ZBBX: variants seen among roughly 807,000 people sequenced by gnomAD.
ZBBX encodes the protein zinc finger B-box domain containing.
A neutral mutation model predicts 108.5 loss-of-function variants in ZBBX; 101 were observed. The ratio of observed to expected loss-of-function variants is 0.93; its 90% CI spans 0.79 to 1.10. ZBBX has a LOEUF of 1.10. ZBBX is among the 50% of genes least tolerant of loss of function. ZBBX has a pLI of 0.00. For missense variants in ZBBX, 1,009 were observed against 941.4 expected (o/e 1.07, Z -0.94); for synonymous variants, 356 against 323.4 (o/e 1.10, Z -1.08).
intron 11 of ZBBX, among the ~76,000 whole-genome samples, chr3:167,325,311 T>C (rs535638312): frequency 2.0e-5 from 3 of 152,042 alleles, no homozygotes; most frequent in Admixed American, 1.3e-4. Context: ...CTCATAATCA[T>C]GACAGAAGAC....
chr3:167,262,725 C>A (rs2108428239), intron 20 of ZBBX, among the ~76,000 whole-genome samples: 1 of 152,256 alleles, frequency 6.6e-6, no homozygotes, highest in African/African-American at 2.4e-5. Flanking sequence ...TTATCCATTT[C>A]TTCTAGATTT....
chr3:167,354,649 A>C (rs957271897), intron 8 of ZBBX, among the ~76,000 whole-genome samples: 1 of 151,902 alleles, frequency 6.6e-6, no homozygotes, highest in African/African-American at 2.4e-5. Context: ...ATATAAATAC[A>C]TGGTTATATC....
chr3:167,326,727 AAAT>A, intron 11 of ZBBX, among the ~76,000 whole-genome samples: 1 of 152,128 alleles, frequency 6.6e-6, no homozygotes, highest in East Asian at 1.9e-4. Context: ...GACAGCATCC[AAAT>A]AATGTCTTGA....
intron 6 of ZBBX, among the ~76,000 whole-genome samples, chr3:167,365,541 A>G (rs555286766): frequency 6.6e-6 from 1 of 151,844 alleles, no homozygotes; most frequent in East Asian, 1.9e-4. Flanking sequence ...AAAGTCTCTC[A>G]TTTGTTATAT....
At chr3:167,228,145 T>C in the ZBBX span, among the ~76,000 whole-genome samples, 2 of 151,858 alleles carry the variant, frequency 1.3e-5, no homozygotes, top group Non-Finnish European at 2.9e-5. Context: ...AATTCTTTCA[T>C]TTGTTCAGCT....
chr3:167,329,485 G>A (rs190432935), intron 10 of ZBBX, among the ~76,000 whole-genome samples: 13 of 152,262 alleles, frequency 8.5e-5, no homozygotes, highest in East Asian at 1.9e-4. Flanking sequence ...CATGCTAACC[G>A]TTGGCCACAG....
the ZBBX span, among the ~76,000 whole-genome samples, chr3:167,214,288 G>T: frequency 2.0e-5 from 3 of 152,100 alleles, no homozygotes; most frequent in Non-Finnish European, 4.4e-5. Context: ...TAAAAATAAA[G>T]TGTTGGAGAA....
At chr3:167,266,508 C>T (rs2108447506) in intron 20 of ZBBX, among the ~76,000 whole-genome samples, 1 of 152,290 alleles carries the variant, frequency 6.6e-6, no homozygotes, top group Admixed American at 6.5e-5. Flanking sequence ...AACTGCACGT[C>T]TCACAAGCTC....
intron 20 of ZBBX, 121 bp downstream of exon 20, chr3:167,282,117 A>T: frequency 1.8e-6 from 2 of 1,086,040 alleles, no homozygotes; most frequent in South Asian, 1.8e-5. Context: ...GTTGATGGTT[A>T]AAGAAGAAAA....
At chr3:167,382,637 A>C (rs1747789794), upstream of ZBBX, among the ~76,000 whole-genome samples, 1 of 152,176 alleles carries the variant, frequency 6.6e-6, no homozygotes, top group African/African-American at 2.4e-5. Context: ...AACAAGCATT[A>C]TCCAAAACTT....
At chr3:167,304,135 A>C (rs116566242) in intron 17 of ZBBX, among the ~76,000 whole-genome samples, 2,128 of 152,174 alleles carry the variant, frequency 0.014, 26 homozygotes, top group South Asian at 0.026. Context: ...TTCTATTTTT[A>C]AACATTTTAA....
chr3:167,377,287 T>G (rs1326855982), intron 2 of ZBBX, among the ~76,000 whole-genome samples: 2 of 152,092 alleles, frequency 1.3e-5, no homozygotes, highest in East Asian at 3.9e-4. Flanking sequence ...AGGTAGAAAC[T>G]CAGAGCATTC....
rs535974836 is a variant in ZBBX at position 167,397,414 on chromosome 3, T to C, written c.-446+10312A>G. Among the ~76,000 whole-genome samples the C allele has an allele frequency of 2.0e-5, 3 of 152,008 alleles. No homozygotes were observed. In the East Asian group the frequency reaches 5.8e-4, roughly 29 times the overall value. On this transcript the variant is annotated intron_variant, in intron 1 of 21. Coordinates refer to the ZBBX transcript ENST00000455345. ...TCTATCCCATTCCAACATATGCACA[T>C]GCACAAAAACACACTTTTTTCTTTT... is the stretch of plus-strand genomic sequence containing the variant.
the ZBBX span, among the ~76,000 whole-genome samples, chr3:167,214,799 C>T: frequency 6.6e-6 from 1 of 152,046 alleles, no homozygotes; most frequent in East Asian, 1.9e-4. Flanking sequence ...AATCTCAGAC[C>T]AGTGCAATAA....
In ZBBX at chr3:167,348,372, A is replaced by AAGAAAG. The variant is rs1553833122; in HGVS notation, c.528+2047_528+2048insCTTTCT. 3.3e-3 allele frequency among the ~76,000 whole-genome samples: 346 copies of AAGAAAG among 104,812 alleles called. 4 individuals are homozygous for AAGAAAG. Among genetic ancestry groups the AAGAAAG allele is most frequent in the African/African-American group, 0.011 (329 of 30,786 alleles). 68.8% of individuals were successfully genotyped at this position (104,812 alleles called of 152,430 possible). ...AGAAAGAAAGAAAGAAAGAAAGAAA[A>AAGAAAG]AAAAGAAAAGAAAAGAAGAAGGAGG... is the stretch of plus-strand genomic sequence containing the variant. On this transcript the variant is annotated intron_variant, in intron 9 of 21. Transcript: ENST00000675490.
chr3:167,356,995 C>T (rs1743686620), intron 8 of ZBBX, among the ~76,000 whole-genome samples: 3 of 152,048 alleles, frequency 2.0e-5, no homozygotes, highest in African/African-American at 4.8e-5. Context: ...ATTTTGAACA[C>T]ATTAAAATAG....
chr3:167,181,359 G>A, the ZBBX span, among the ~76,000 whole-genome samples: 2,028 of 152,222 alleles, frequency 0.013, 21 homozygotes, highest in South Asian at 0.026. Context: ...TTGGTTGAAT[G>A]GTCCCAGGTT....
chr3:167,319,228 C>T (rs958976092), intron 12 of ZBBX, among the ~76,000 whole-genome samples: 3 of 151,940 alleles, frequency 2.0e-5, no homozygotes, highest in East Asian at 3.9e-4. Context: ...CATACAAGAA[C>T]ATGGATGAAT....
At chr3:167,248,211 C>T (rs1560020446) in intron 20 of ZBBX, among the ~76,000 whole-genome samples, 1 of 152,128 alleles carries the variant, frequency 6.6e-6, no homozygotes, top group Non-Finnish European at 1.5e-5. Flanking sequence ...AGGCCAAGCC[C>T]AACAGCCACG....
Sources: gnomAD v4.1 joint callset for allele counts (sites outside exome capture counted in the v4.1 genomes callset) on GRCh38, gnomAD v4.1.1 for gene constraint, MANE v1.5 for transcripts, NCBI Gene and HGNC (gene_info 2026-07-23, HGNC 2026-07-21) for gene names.